Variants in STPG1 observed in about 807,000 individuals in gnomAD.
The protein encoded by STPG1 is sperm tail PG-rich repeat containing 1.
Under a neutral mutation model 40.1 loss-of-function variants are expected in STPG1, and 33 were observed. That is an observed-to-expected ratio of 0.82 (90% CI 0.62 to 1.10). The LOEUF is 1.10. Ranked by LOEUF, STPG1 falls within the 50% of genes least tolerant of loss-of-function variation. The probability of loss-of-function intolerance (pLI) is 0.00; values close to 1 mark genes in which losing one functional copy is unlikely to be tolerated. For synonymous variants in STPG1, 150 were observed against 155.0 expected (o/e 0.97, Z 0.24); for missense variants, 396 against 415.1 (o/e 0.95, Z 0.40).
At chr1:24,390,441 T>TG (rs1383681514) in intron 3 of STPG1, among the ~76,000 whole-genome samples, 1 of 152,104 alleles carries the variant, frequency 6.6e-6, no homozygotes, top group Non-Finnish European at 1.5e-5. Context: ...GATTTTGAGA[T>TG]GGAGTCTCAT....
chr1:24,373,096 T>C (rs1397047572), intron 6 of STPG1, among the ~76,000 whole-genome samples: 1 of 152,162 alleles, frequency 6.6e-6, no homozygotes, highest in African/African-American at 2.4e-5. Flanking sequence ...ATTTACTGGC[T>C]GTGTGACACT....
intron 5 of STPG1, among the ~76,000 whole-genome samples, chr1:24,374,734 C>A (rs1641941855): frequency 6.6e-6 from 1 of 152,158 alleles, no homozygotes; most frequent in Non-Finnish European, 1.5e-5. Context: ...AAGCAATCAT[C>A]CCACCTCAGT....
intron 7 of STPG1, among the ~76,000 whole-genome samples, chr1:24,364,913 G>A (rs1331064046): frequency 1.3e-5 from 2 of 152,176 alleles, no homozygotes; most frequent in Non-Finnish European, 2.9e-5. Context: ...TAAGAATAAT[G>A]AATGTCTTAG....
chr1:24,362,313 A>T (rs1277864276), intron 7 of STPG1, among the ~76,000 whole-genome samples: 1 of 152,204 alleles, frequency 6.6e-6, no homozygotes, highest in African/African-American at 2.4e-5. Context: ...AGTTATAGGC[A>T]CCTTTGTAGG....
At chr1:24,403,535 T>C (rs752709174) in intron 1 of STPG1, among the ~76,000 whole-genome samples, 10 of 152,172 alleles carry the variant, frequency 6.6e-5, no homozygotes, top group African/African-American at 1.4e-4. Context: ...ATTGAATCTA[T>C]AGAACAATTT....
chr1:24,397,523 T>C (rs763608514), intron 2 of STPG1, among the ~76,000 whole-genome samples: 5 of 151,930 alleles, frequency 3.3e-5, no homozygotes, highest in Non-Finnish European at 5.9e-5. Context: ...AATACATAAA[T>C]CCTTAGAAAA....
At chr1:24,401,025 T>C (rs1266605606) in intron 2 of STPG1, 2 of 314,460 alleles carry the variant, frequency 6.4e-6, no homozygotes, top group African/African-American at 4.2e-5. Context: ...CTCTTACATA[T>C]CTAAATTTGA....
chr1:24,412,243 C>A (rs1643716975), intron 1 of STPG1, among the ~76,000 whole-genome samples: 1 of 152,212 alleles, frequency 6.6e-6, no homozygotes, highest in Non-Finnish European at 1.5e-5. Context: ...TTCTTCTCCA[C>A]ATGGGACCTC....
intron 7 of STPG1, among the ~76,000 whole-genome samples, chr1:24,362,442 T>C (rs75960545): frequency 0.014 from 2,105 of 152,318 alleles, 54 homozygotes; most frequent in African/African-American, 0.048. Context: ...TCATGCCACT[T>C]ACTGGCTGTA....
At chr1:24,390,638 C>T (rs1460776970) in intron 3 of STPG1, among the ~76,000 whole-genome samples, 1 of 152,040 alleles carries the variant, frequency 6.6e-6, no homozygotes, top group Admixed American at 6.5e-5. Context: ...AGGCTGGTCT[C>T]GAACTTGTGA....
intron 2 of STPG1, among the ~76,000 whole-genome samples, chr1:24,393,191 C>T (rs1642853495): frequency 6.6e-6 from 1 of 152,170 alleles, no homozygotes; most frequent in Non-Finnish European, 1.5e-5. Context: ...TCTTCCTGAG[C>T]TGGCCTCTAG....
Position 24,359,943 on chromosome 1 carries a change from A to G in STPG1, c.928+908T>C, listed in dbSNP as rs1337457774. On this transcript the variant is annotated intron_variant, in intron 8 of 8. Coordinates refer to ENST00000337248, the MANE Select transcript of STPG1 (RefSeq NM_001199013.2). This position sits in a 1 kb window ranked among gnomAD's most constrained non-coding sequence, Gnocchi z 5.3. The stretch of plus-strand genomic sequence containing the variant: ...TCCCTACTTATGCTTGCCTGTAAAA[A>G]GAGTGTGGCGCTAGAAGGTTCAAAA... Among the ~76,000 whole-genome samples the G allele has an allele frequency of 6.6e-6, 1 of 152,186 alleles. No individual in the cohort carries two copies. Among genetic ancestry groups the G allele is most frequent in the Non-Finnish European group, 1.5e-5 (1 of 68,022 alleles).
At position 24,358,416 on chromosome 1, in the gene STPG1, G is replaced by A. The variant is rs749565907; in HGVS notation, c.*127C>T. Reference sequence around the variant, plus strand: ...AGTCCGGCTAGGATGCCAGGCCAGAGTGGTAGAGCCACCCCCCAAGTTGTC... The same window carrying A: ...AGTCCGGCTAGGATGCCAGGCCAGAATGGTAGAGCCACCCCCCAAGTTGTC... On this transcript the variant is annotated 3_prime_UTR_variant, in exon 9 of 9. Transcript: ENST00000337248. The A allele has an allele frequency of 7.3e-6, 6 of 817,118 alleles. No homozygotes were observed. Among genetic ancestry groups the A allele is most frequent in the African/African-American group, 1.7e-5 (1 of 59,740 alleles). 50.6% of individuals were successfully genotyped at this position (817,118 alleles called of 1,614,324 possible).
In STPG1 at chr1:24,360,933, C is replaced by T; in HGVS notation, c.846G>A (p.Lys282=). 6.2e-7 allele frequency: 1 copy of T among 1,614,030 alleles called. No homozygotes were observed. The highest frequency in any genetic ancestry group is 8.5e-7 in the Non-Finnish European group (1 of 1,180,000). Residue 282 remains lysine, a synonymous_variant, in exon 8 of 9, where the codon AAG becomes AAA. Transcript: ENST00000337248. ...CGAATGATGCACTAGAGATGAAATG[C>T]TTGCGGGGGCCTAAGTAGTCCACGA... The part of the protein sequence containing the change: ...YEIVDYLGPR[K]HFISSASFVS...
chr1:24,408,409 A>G (rs910415694), intron 1 of STPG1, among the ~76,000 whole-genome samples: 12 of 152,176 alleles, frequency 7.9e-5, no homozygotes, highest in African/African-American at 2.7e-4. Flanking sequence ...TCAGCCAAAA[A>G]CTTAAGGAGA....
intron 3 of STPG1, 154 bp downstream of exon 3, chr1:24,391,407 G>A (rs1642764343): frequency 4.0e-6 from 2 of 501,418 alleles, no homozygotes; most frequent in African/African-American, 3.9e-5. Context: ...AGTTAGTCCA[G>A]TCGGTGCCCC....
At chr1:24,389,227 C>T (rs976647965) in intron 3 of STPG1, among the ~76,000 whole-genome samples, 6 of 152,064 alleles carry the variant, frequency 3.9e-5, no homozygotes, top group South Asian at 2.1e-4. Flanking sequence ...ACAAGTGAGC[C>T]GGCTTGCTTT....
At chr1:24,400,342 G>C (rs1643171023) in intron 2 of STPG1, among the ~76,000 whole-genome samples, 1 of 152,192 alleles carries the variant, frequency 6.6e-6, no homozygotes, top group African/African-American at 2.4e-5. Flanking sequence ...GATAACCGTA[G>C]TGTTTACTTT....
chr1:24,386,862 G>T (rs967284423), intron 3 of STPG1, among the ~76,000 whole-genome samples: 2 of 152,170 alleles, frequency 1.3e-5, no homozygotes, highest in African/African-American at 4.8e-5. Context: ...GTATGGGGAG[G>T]GAGAAGGGAA....
Sources: allele counts gnomAD v4.1 joint callset (sites outside exome capture counted in the v4.1 genomes callset), GRCh38; gene constraint gnomAD v4.1.1; non-coding constraint Gnocchi (gnomAD v3.1); transcripts MANE v1.5; gene names NCBI Gene and HGNC (gene_info 2026-07-23, HGNC 2026-07-21).